PAX2: variants seen among roughly 807,000 people sequenced by gnomAD.
PAX2 encodes the protein paired box 2, also known as paired box protein Pax-2.
PAX2 carries 9 observed loss-of-function variants against 41.7 expected under a neutral mutation model. The observed-to-expected ratio is 0.22, with a 90% CI of 0.13 to 0.38. The LOEUF is 0.38. PAX2 is among the 10% of genes least tolerant of loss of function. The pLI, the probability that PAX2 is intolerant of heterozygous loss-of-function variation, is 1.00. For synonymous variants in PAX2, 221 were observed against 212.7 expected (o/e 1.04, Z -0.34); for missense variants, 418 against 531.6 (o/e 0.79, Z 2.10).
At position 100,745,817 on chromosome 10, in the gene PAX2, C is replaced by A; in HGVS notation, c.-444C>A. 1 of 1,096,462 alleles carries A rather than the reference C, an allele frequency of 9.1e-7. No homozygotes were observed. The highest frequency in any genetic ancestry group is 1.1e-6 in the Non-Finnish European group (1 of 901,056). 67.9% of individuals were successfully genotyped at this position (1,096,462 alleles called of 1,614,324 possible). ...CAACTCGCCAGCACTTGGAGAGGCC[C>A]GGCTCCCCTCCCGGCGCCCTCTGAC... On this transcript the variant is annotated 5_prime_UTR_variant, in exon 1 of 10. Transcript: ENST00000355243.
upstream of PAX2, among the ~76,000 whole-genome samples, chr10:100,741,967 G>A (rs1343424960): frequency 1.3e-5 from 2 of 152,192 alleles, no homozygotes; most frequent in Non-Finnish European, 2.9e-5. Flanking sequence ...GTGGAAGGAG[G>A]AAGGCAGGTC....
chr10:100,744,886 G>A (rs965847639), upstream of PAX2, among the ~76,000 whole-genome samples: 2 of 152,236 alleles, frequency 1.3e-5, no homozygotes, highest in Non-Finnish European at 2.9e-5. Context: ...GCACAGTCGC[G>A]TGGAACGGGA....
intron 5 of PAX2, among the ~76,000 whole-genome samples, chr10:100,787,583 C>T (rs768019057): frequency 3.8e-4 from 57 of 151,992 alleles, no homozygotes; most frequent in East Asian, 1.9e-4. Context: ...CACTGCTGCC[C>T]GCCTCCTGCT....
Position 100,781,339 on chromosome 10 carries a change from A to T in PAX2, c.590A>T (p.Asn197Ile). The part of the protein sequence containing the change: ...INGILGIPRS[N>I]GEKRKRDEDV... ...GGGATCCTGGGGATTCCTCGCTCCAATGGTGAGAAGAGGAAACGTGATGAA... is the reference window on the plus strand; with the variant it reads ...GGGATCCTGGGGATTCCTCGCTCCATTGGTGAGAAGAGGAAACGTGATGAA... The change falls in exon 5 of 10, where the codon AAT (asparagine) becomes ATT (isoleucine). Residue 197 changes from asparagine to isoleucine, a missense_variant. Physicochemically the swap from Asn to Ile is moderately radical, Grantham distance 149 (BLOSUM62 -3). Transcript: ENST00000355243. The T allele has an allele frequency of 6.2e-7, 1 of 1,613,866 alleles. No individual in the cohort carries two copies. Among genetic ancestry groups the T allele is most frequent in the South Asian group, 1.1e-5 (1 of 91,086 alleles).
intron 3 of PAX2, among the ~76,000 whole-genome samples, chr10:100,776,213 G>A (rs557637011): frequency 2.0e-5 from 3 of 152,204 alleles, no homozygotes; most frequent in South Asian, 4.1e-4. Flanking sequence ...AAAAACTTCT[G>A]AGGCAATAGT....
At chr10:100,779,470 G>A in intron 3 of PAX2, 28 bp from the exon 4 acceptor site, 1 of 1,556,900 alleles carries the variant, frequency 6.4e-7, no homozygotes, top group Non-Finnish European at 8.7e-7. Flanking sequence ...GGCATTTGAT[G>A]TGTGATGCTG....
Position 100,782,158 on chromosome 10 carries a change from C to T in PAX2, c.616+793C>T, listed in dbSNP as rs118141592. 1.5e-3 allele frequency among the ~76,000 whole-genome samples: 221 copies of T among 152,242 alleles called. 5 individuals carry two copies. In the East Asian group the frequency reaches 0.032, roughly 22 times the overall value. On this transcript the variant is annotated intron_variant, in intron 5 of 9. Coordinates refer to ENST00000355243, the MANE Select transcript of PAX2 (RefSeq NM_000278.5). ...TGAACAACAGAGACACCAGTGTCTCCGGCCTGCGTCCTGCCCCCATTTTCT... is the reference window on the plus strand; with the variant it reads ...TGAACAACAGAGACACCAGTGTCTCTGGCCTGCGTCCTGCCCCCATTTTCT...
At chr10:100,811,358 G>T (rs543368905) in intron 7 of PAX2, among the ~76,000 whole-genome samples, 1 of 152,362 alleles carries the variant, frequency 6.6e-6, no homozygotes, top group East Asian at 1.9e-4. Context: ...TTTATGATGT[G>T]TTTATTATGG....
intron 5 of PAX2, among the ~76,000 whole-genome samples, chr10:100,784,377 A>G (rs1377453676): frequency 6.6e-6 from 1 of 152,200 alleles, no homozygotes; most frequent in Non-Finnish European, 1.5e-5. Context: ...GAGCACGCAC[A>G]TTAAAGGGCT....
chr10:100,764,886 A>G (rs1368573997), intron 3 of PAX2, among the ~76,000 whole-genome samples: 1 of 152,128 alleles, frequency 6.6e-6, no homozygotes, highest in Admixed American at 6.5e-5. Context: ...GAAGGGTTCC[A>G]CTGATTCTTA....
intron 3 of PAX2, among the ~76,000 whole-genome samples, chr10:100,767,809 A>G (rs540959730): frequency 2.3e-4 from 35 of 152,314 alleles, no homozygotes; most frequent in African/African-American, 7.9e-4. Context: ...TAAAAATCCA[A>G]ATAAAATATT....
intron 4 of PAX2, among the ~76,000 whole-genome samples, chr10:100,780,630 C>T (rs1347207348): frequency 1.3e-5 from 2 of 152,148 alleles, no homozygotes; most frequent in Non-Finnish European, 2.9e-5. Context: ...TTAGGAGTTT[C>T]TCAAGTGATT....
chr10:100,806,480 A>G lies in PAX2; in HGVS notation c.667A>G (p.Ser223Gly). The change falls in exon 6 of 10, where the codon AGT (serine) becomes GGT (glycine). Residue 223 changes from serine (S) to glycine (G), a missense_variant. Coordinates refer to ENST00000355243, the MANE Select transcript of PAX2 (RefSeq NM_000278.5). ...TGGAGATTCCCAGAGTGGTGTGGAC[A>G]GTTTGCGGAAGCACTTGCGAGCTGA... ...PNGDSQSGVD[S>G]LRKHLRADTF... 6.2e-7 allele frequency: 1 copy of G among 1,614,224 alleles called. No homozygotes were observed. Among genetic ancestry groups the G allele is most frequent in the African/African-American group, 1.3e-5 (1 of 75,052 alleles).
At chr10:100,759,503 T>C in intron 3 of PAX2, among the ~76,000 whole-genome samples, 1 of 152,152 alleles carries the variant, frequency 6.6e-6, no homozygotes, top group Non-Finnish European at 1.5e-5. Context: ...GGCAGGCCCC[T>C]GCCTGCTGGG....
intron 7 of PAX2, among the ~76,000 whole-genome samples, chr10:100,817,256 T>C (rs1230839462): frequency 1.3e-5 from 2 of 152,188 alleles, no homozygotes; most frequent in Non-Finnish European, 2.9e-5. Context: ...ACTGGAAATG[T>C]CTTCCCCTCT....
At position 100,827,627 on chromosome 10, in the gene PAX2, G is replaced by A; in HGVS notation, c.*8G>A. 1 of 1,613,952 alleles carries A rather than the reference G, an allele frequency of 6.2e-7. No homozygotes were observed. The highest frequency in any genetic ancestry group is 8.5e-7 in the Non-Finnish European group (1 of 1,179,932). On this transcript the variant is annotated 3_prime_UTR_variant, in exon 10 of 10. Transcript: ENST00000355243. The surrounding 1 kb of genome is among the most constrained non-coding windows in gnomAD (Gnocchi z 8.5). ...GCCTATGACCGCCACTAGTTACCGC[G>A]GGGACCACATCAAGCTTCAGGCCGA... is the stretch of plus-strand genomic sequence containing the variant.
intron 3 of PAX2, among the ~76,000 whole-genome samples, chr10:100,766,832 C>G (rs1846046916): frequency 6.6e-6 from 1 of 152,104 alleles, no homozygotes; most frequent in African/African-American, 2.4e-5. Flanking sequence ...TCACCCAGAT[C>G]CAGCATCATT....
intron 3 of PAX2, among the ~76,000 whole-genome samples, chr10:100,774,409 G>T (rs576860599): frequency 2.0e-5 from 3 of 152,154 alleles, no homozygotes; most frequent in Admixed American, 1.3e-4. Context: ...AGTGGGGCTT[G>T]GTCCAGCCCC....
rs768078429 is a variant in PAX2, at chr10:100,827,655, G to A, written c.*36G>A. The A allele has an allele frequency of 3.1e-6, 5 of 1,613,732 alleles. No homozygotes were observed. The highest frequency in any genetic ancestry group is 2.5e-6 in the Non-Finnish European group (3 of 1,179,866). ...GACCACATCAAGCTTCAGGCCGACA[G>A]CTTCGGCCTCCACATCGTCCCCGTC... On this transcript the variant is annotated 3_prime_UTR_variant, in exon 10 of 10. Coordinates refer to ENST00000355243, the MANE Select transcript of PAX2 (RefSeq NM_000278.5). The surrounding 1 kb of genome is among the most constrained non-coding windows in gnomAD (Gnocchi z 8.5).
Sources: gnomAD v4.1 joint callset for allele counts (sites outside exome capture counted in the v4.1 genomes callset) on GRCh38, gnomAD v4.1.1 for gene constraint, Gnocchi (gnomAD v3.1) non-coding constraint, MANE v1.5 for transcripts, NCBI Gene and HGNC (gene_info 2026-07-23, HGNC 2026-07-21) for gene names.